The following ETV6 variants were observed in gnomAD, a reference collection of about 807,000 sequenced individuals.
ETV6 encodes transcription factor ETV6.
ETV6 carries 16 observed loss-of-function variants against 51.1 expected under a neutral mutation model. The ratio of observed to expected loss-of-function variants is 0.31; its 90% CI spans 0.21 to 0.48. ETV6 has a LOEUF of 0.48. Among genes scored for constraint, ETV6 ranks in the 20% least tolerant of loss-of-function variants. ETV6 has a pLI of 0.99. For synonymous variants in ETV6, 240 were observed against 224.1 expected, an observed-to-expected ratio of 1.07 and a Z score of -0.64; for missense variants, 458 against 594.8, an observed-to-expected ratio of 0.77 and a Z score of 2.39.
chr12:11,814,368 TTC>T, intron 2 of ETV6, among the ~76,000 whole-genome samples: 1 of 152,346 alleles, frequency 6.6e-6, no homozygotes, highest in East Asian at 1.9e-4. Context: ...AATTTTTTTT[TTC>T]AATACTTTGG....
intron 2 of ETV6, among the ~76,000 whole-genome samples, chr12:11,754,126 A>G (rs767695001): frequency 2.0e-5 from 3 of 152,262 alleles, no homozygotes; most frequent in Non-Finnish European, 4.4e-5. Context: ...TATTCGCCTC[A>G]GGATGGAACA....
At chr12:11,883,401 C>T (rs1242162724) in intron 5 of ETV6, among the ~76,000 whole-genome samples, 6 of 147,554 alleles carry the variant, frequency 4.1e-5, no homozygotes, top group South Asian at 2.1e-4. Context: ...TCAGGCGATT[C>T]TCCTGCCTCA....
At chr12:11,748,592 A>G (rs1431296715) in intron 1 of ETV6, among the ~76,000 whole-genome samples, 1 of 152,174 alleles carries the variant, frequency 6.6e-6, no homozygotes, top group Non-Finnish European at 1.5e-5. Context: ...AATAATTTTG[A>G]AGAGGAAAGA....
intron 1 of ETV6, among the ~76,000 whole-genome samples, chr12:11,737,737 G>C (rs1002260412): frequency 1.3e-5 from 2 of 152,186 alleles, no homozygotes; most frequent in Non-Finnish European, 2.9e-5. Context: ...TGAGAATAAT[G>C]CATCATGGTT....
At chr12:11,886,295 G>A (rs1375676631) in intron 7 of ETV6, among the ~76,000 whole-genome samples, 1 of 152,194 alleles carries the variant, frequency 6.6e-6, no homozygotes, top group East Asian at 1.9e-4. Flanking sequence ...ATATTATGTG[G>A]CATTAAAGTC....
chr12:11,887,995 AG>A (rs1229893139), intron 7 of ETV6, among the ~76,000 whole-genome samples: 1 of 152,152 alleles, frequency 6.6e-6, no homozygotes, highest in African/African-American at 2.4e-5. Context: ...AGAAGTTCCC[AG>A]GTTGGAGTCT....
intron 2 of ETV6, among the ~76,000 whole-genome samples, chr12:11,834,842 T>A (rs967043833): frequency 1.3e-5 from 2 of 152,194 alleles, no homozygotes; most frequent in African/African-American, 4.8e-5. Flanking sequence ...CATGAAACCC[T>A]GAAGGGAATA....
At position 11,888,398 on chromosome 12, in the gene ETV6, C is replaced by CTT. The variant is rs1555148147; in HGVS notation, c.1253+2387_1253+2388dup. Reference sequence around the variant, plus strand: ...TTTGCTTTTTCTTTTCTTTTCTTTTCTTTTTTTTTTTTTTTTAGACAGAGC... The same window carrying CTT: ...TTTGCTTTTTCTTTTCTTTTCTTTTCTTTTTTTTTTTTTTTTTTAGACAGAGC... On this transcript the variant is annotated intron_variant, in intron 7 of 7. Transcript: ENST00000396373. Among the ~76,000 whole-genome samples the CTT allele has an allele frequency of 3.2e-3, 255 of 80,674 alleles. 1 individual carries two copies. Among genetic ancestry groups the CTT allele is most frequent in the African/African-American group, 0.01 (229 of 22,494 alleles). 52.9% of individuals were successfully genotyped at this position (80,674 alleles called of 152,430 possible). A position where few individuals can be genotyped will look rare whatever the true frequency, so the allele number is the denominator to read the frequency against.
intron 1 of ETV6, among the ~76,000 whole-genome samples, chr12:11,680,618 G>A (rs779585858): frequency 3.9e-5 from 6 of 152,218 alleles, no homozygotes; most frequent in Non-Finnish European, 8.8e-5. Context: ...ATAGCAAAGT[G>A]TTTGCTAAAA....
intron 1 of ETV6, among the ~76,000 whole-genome samples, chr12:11,706,750 C>T (rs987353151): frequency 2.0e-5 from 3 of 152,200 alleles, no homozygotes; most frequent in Non-Finnish European, 2.9e-5. Context: ...ATTTCTAGGA[C>T]GATTGCATTC....
At chr12:11,813,076 C>T (rs1945938592) in intron 2 of ETV6, among the ~76,000 whole-genome samples, 1 of 152,236 alleles carries the variant, frequency 6.6e-6, no homozygotes, top group Non-Finnish European at 1.5e-5. Flanking sequence ...TGTGTGGCTA[C>T]TTAGCCAAGG....
intron 4 of ETV6, among the ~76,000 whole-genome samples, chr12:11,865,339 G>A (rs1433153776): frequency 6.6e-6 from 1 of 151,376 alleles, no homozygotes; most frequent in Non-Finnish European, 1.5e-5. Context: ...TTGAAAACTA[G>A]TAGTTCCTCG....
intron 1 of ETV6, among the ~76,000 whole-genome samples, chr12:11,741,273 A>G (rs1865803936): frequency 6.6e-6 from 1 of 152,214 alleles, no homozygotes. Context: ...GACAGCCATC[A>G]TGTGGGATCA....
chr12:11,730,201 T>TA (rs1865567580), intron 1 of ETV6, among the ~76,000 whole-genome samples: 1 of 152,220 alleles, frequency 6.6e-6, no homozygotes, highest in South Asian at 2.1e-4. Context: ...CCTCACCATT[T>TA]AAGAGACCAG....
At chr12:11,737,448 A>G (rs1335745939) in intron 1 of ETV6, among the ~76,000 whole-genome samples, 1 of 152,240 alleles carries the variant, frequency 6.6e-6, no homozygotes, top group Non-Finnish European at 1.5e-5. Context: ...AGGATAATTC[A>G]GGGTCATATG....
At chr12:11,784,217 A>G (rs2724658) in intron 2 of ETV6, among the ~76,000 whole-genome samples, 111,824 of 151,948 alleles carry the variant, frequency 0.74, 42,783 homozygotes, top group South Asian at 0.94. Context: ...ATCACTTGAG[A>G]TCAGGAGTTC....
intron 1 of ETV6, among the ~76,000 whole-genome samples, chr12:11,718,771 A>G (rs1053818107): frequency 1.3e-5 from 2 of 152,144 alleles, no homozygotes; most frequent in Non-Finnish European, 2.9e-5. Context: ...GGACCTCTGT[A>G]TGACTGCACA....
chr12:11,755,292 G>A (rs372966819), intron 2 of ETV6, among the ~76,000 whole-genome samples: 145 of 152,282 alleles, frequency 9.5e-4, no homozygotes, highest in Middle Eastern at 3.4e-3. Flanking sequence ...GCACATTCCC[G>A]GAAACCTTTC....
At chr12:11,652,305 C>A (rs1286742093) in intron 1 of ETV6, among the ~76,000 whole-genome samples, 1 of 152,088 alleles carries the variant, frequency 6.6e-6, no homozygotes. Flanking sequence ...ATTCAGTGTT[C>A]CAATAATAAG....
Sources: gnomAD v4.1 joint callset for allele counts (sites outside exome capture counted in the v4.1 genomes callset) on GRCh38, gnomAD v4.1.1 for gene constraint, MANE v1.5 for transcripts, NCBI Gene and HGNC (gene_info 2026-07-23, HGNC 2026-07-21) for gene names.